PACRGL: variants seen among roughly 807,000 people sequenced by gnomAD.
The protein encoded by PACRGL is PACRG-like protein.
In PACRGL, 38 loss-of-function variants were observed where a neutral mutation model predicts 34.5. The observed-to-expected ratio is 1.10, with a 90% CI of 0.85 to 1.44. The LOEUF is 1.44. Among genes scored for constraint, PACRGL ranks in the 40% most tolerant of loss-of-function variants. The probability of loss-of-function intolerance (pLI) is 0.00; values close to 1 mark genes in which losing one functional copy is unlikely to be tolerated. For missense variants in PACRGL, 305 were observed against 281.4 expected (o/e 1.08, Z -0.60); for synonymous variants, 128 against 100.1 (o/e 1.28, Z -1.66).
In PACRGL at chr4:20,723,873, A is replaced by G. The variant is rs147866913; in HGVS notation, c.610-935A>G. ...TTGTGTGAGGGTTAGTTCCTGGTCTATTACCACTAACTATGAGACAGACAC... is the reference window on the plus strand; with the variant it reads ...TTGTGTGAGGGTTAGTTCCTGGTCTGTTACCACTAACTATGAGACAGACAC... On this transcript the variant is annotated intron_variant, in intron 7 of 8. Transcript: ENST00000503585. 4.3e-3 allele frequency among the ~76,000 whole-genome samples: 653 copies of G among 152,168 alleles called. 7 individuals carry two copies. Among genetic ancestry groups the G allele is most frequent in the Admixed American group, 0.012 (177 of 15,270 alleles).
chr4:20,709,559 T>C (rs1057396182), intron 4 of PACRGL, 124 bp from the exon 5 acceptor site: 1 of 595,152 alleles, frequency 1.7e-6, no homozygotes, highest in Non-Finnish European at 2.8e-6. Context: ...TACTATCTTA[T>C]AAAGTTATGG....
At chr4:20,722,888 T>C (rs1388365811) in intron 7 of PACRGL, among the ~76,000 whole-genome samples, 1 of 152,218 alleles carries the variant, frequency 6.6e-6, no homozygotes, top group East Asian at 1.9e-4. Context: ...CATTCTTCTG[T>C]ATTTCACAGC....
Position 20,704,699 on chromosome 4 carries a change from A to G in PACRGL, c.92A>G (p.Lys31Arg), listed in dbSNP as rs1264640326. Residue 31 changes from lysine (K) to arginine (R), a missense_variant, in exon 3 of 9, where the codon AAA (lysine) becomes AGA (arginine). Transcript: ENST00000503585. ...AGGACATCATCAAGCACACAGTTAA[A>G]ACACAGGAATGCAGTTCAGGGAAGC... ...DQRTSSSTQL[K>R]HRNAVQGSKS... 6.2e-7 allele frequency: 1 copy of G among 1,614,122 alleles called. No homozygotes were observed. Among genetic ancestry groups the G allele is most frequent in the Non-Finnish European group, 8.5e-7 (1 of 1,179,992 alleles).
intron 7 of PACRGL, among the ~76,000 whole-genome samples, chr4:20,719,366 G>A: frequency 6.6e-6 from 1 of 152,032 alleles, no homozygotes; most frequent in East Asian, 1.9e-4. Context: ...CTTGACTTCT[G>A]CTAGCTTTTG....
At chr4:20,739,277 G>C (rs1053004159) in intron 8 of PACRGL, among the ~76,000 whole-genome samples, 1 of 152,216 alleles carries the variant, frequency 6.6e-6, no homozygotes, top group Non-Finnish European at 1.5e-5. Flanking sequence ...CAGACAGACT[G>C]CCTCCTCAAG....
chr4:20,716,832 C>A (rs896380505), intron 7 of PACRGL, among the ~76,000 whole-genome samples: 2 of 152,142 alleles, frequency 1.3e-5, no homozygotes, highest in African/African-American at 4.8e-5. Context: ...GTTTTATAAT[C>A]CTTTGGGTAT....
downstream of PACRGL, among the ~76,000 whole-genome samples, chr4:20,754,625 TGTG>T (rs531085108): frequency 2.0e-4 from 31 of 152,312 alleles, 1 homozygote; most frequent in South Asian, 4.8e-3. Context: ...CGATGCCTCA[TGTG>T]GTCAGATTTC....
chr4:20,712,899 AT>A lies in PACRGL; in HGVS notation c.480del (p.Pro161LeufsTer3), dbSNP rs1737980932. 3 of 1,590,378 alleles carry A rather than the reference AT, an allele frequency of 1.9e-6. No individual in the cohort carries two copies. On this transcript the variant is annotated frameshift_variant, in exon 6 of 9. Transcript: ENST00000503585. LOFTEE classifies it high-confidence loss of function. ...AGCTATTCCTTTGCTACCTAGACTG[AT>A]TCCTGTGCTAAAGGCAGCTCTGGTA... Reference protein sequence around the residue: ...EKAIPLLPRLIPVLKAALVHS... With the variant: ...EKAIPLLPRLXPVLKAALVHS...
downstream of PACRGL, chr4:20,734,777 AAAAAC>A (rs1372051386): frequency 8.7e-7 from 1 of 1,151,138 alleles, no homozygotes; most frequent in African/African-American, 1.8e-5. Context: ...ACATTTTTAA[AAAAAC>A]AAAAACAAAA....
chr4:20,723,992 G>T (rs1157057239), intron 7 of PACRGL, among the ~76,000 whole-genome samples: 3 of 151,856 alleles, frequency 2.0e-5, no homozygotes, highest in Non-Finnish European at 2.9e-5. Flanking sequence ...TTTTTATGGG[G>T]TTTATAGACT....
At chr4:20,703,477 A>AGTGT (rs34932810) in intron 1 of PACRGL, among the ~76,000 whole-genome samples, 21,185 of 141,322 alleles carry the variant, frequency 0.15, 1,412 homozygotes, top group African/African-American at 0.22. Flanking sequence ...TGGGTATATG[A>AGTGT]GTGTGTGTGT....
At chr4:20,704,242 TG>T (rs1261723739) in intron 1 of PACRGL, among the ~76,000 whole-genome samples, 1 of 152,220 alleles carries the variant, frequency 6.6e-6, no homozygotes. Flanking sequence ...AGTTGACTTT[TG>T]TACATCATTT....
chr4:20,729,881 TCAGTGGCATTATGAAAA>T lies in PACRGL; in HGVS notation c.*2541_*2557del. 2 of 488,514 alleles carry T rather than the reference TCAGTGGCATTATGAAAA, an allele frequency of 4.1e-6. No homozygotes were observed. The highest frequency in any genetic ancestry group is 7.9e-5 in the Admixed American group (2 of 25,214). 30.3% of individuals were successfully genotyped at this position (488,514 alleles called of 1,614,324 possible). ...AAATGAGTTAGACCATCCCCTGAAC[TCAGTGGCATTATGAAAA>T]GGATGCAAATTTATAACTGAAAGCT... On this transcript the variant is annotated 3_prime_UTR_variant, in exon 9 of 9. Transcript: ENST00000503585.
At chr4:20,716,576 A>G (rs766479025) in intron 7 of PACRGL, among the ~76,000 whole-genome samples, 28 of 152,148 alleles carry the variant, frequency 1.8e-4, no homozygotes, top group Non-Finnish European at 4.1e-4. Context: ...GAGTGAGAAC[A>G]TGCCGTGTTT....
rs558234372 is a variant in PACRGL, at chr4:20,721,903, G to A, written c.610-2905G>A. Among the ~76,000 whole-genome samples, 348 of 152,308 alleles carry A rather than the reference G, an allele frequency of 2.3e-3. 4 individuals are homozygous for A. Among genetic ancestry groups the A allele is most frequent in the African/African-American group, 8.2e-3 (339 of 41,570 alleles). On this transcript the variant is annotated intron_variant, in intron 7 of 8. Transcript: ENST00000503585. ...AGAGGTTTCTGCTGCCTTTTGTTTG[G>A]CTATGCCCTGCCCCCAGAGGTGGAG...
At chr4:20,711,307 C>T (rs1737076816) in intron 5 of PACRGL, among the ~76,000 whole-genome samples, 1 of 152,104 alleles carries the variant, frequency 6.6e-6, no homozygotes. Flanking sequence ...TACCTGTTGT[C>T]CAAATGTCAA....
chr4:20,697,640 T>C (rs1277422196), upstream of PACRGL, among the ~76,000 whole-genome samples: 11 of 152,210 alleles, frequency 7.2e-5, no homozygotes, highest in Admixed American at 2.0e-4. Context: ...TTAGTCTATT[T>C]GGGCTGCTAT....
In PACRGL at chr4:20,730,436, A is replaced by T. The variant is rs111965695; in HGVS notation, c.*3095A>T. ...CATAATGCCAAAATGGAAACTACAG[A>T]GGTGCAGAGGTGTGTCAAAGCAAAT... On this transcript the variant is annotated 3_prime_UTR_variant, in exon 9 of 9. Transcript: ENST00000503585. Among the ~76,000 whole-genome samples the T allele has an allele frequency of 6.6e-6, 1 of 151,954 alleles. No homozygotes were observed. Among genetic ancestry groups the T allele is most frequent in the Non-Finnish European group, 1.5e-5 (1 of 68,002 alleles).
chr4:20,698,160 G>A (rs954280092), upstream of PACRGL, among the ~76,000 whole-genome samples: 3 of 152,082 alleles, frequency 2.0e-5, no homozygotes, highest in African/African-American at 7.2e-5. Flanking sequence ...GAGCCTGGGT[G>A]ATATAGTTTA....
Sources: gnomAD v4.1 joint callset for allele counts (sites outside exome capture counted in the v4.1 genomes callset) on GRCh38, gnomAD v4.1.1 for gene constraint, MANE v1.5 for transcripts, NCBI Gene and HGNC (gene_info 2026-07-23, HGNC 2026-07-21) for gene names.